Variants in RAPGEF6 observed in about 807,000 individuals in gnomAD.
RAPGEF6 encodes Rap guanine nucleotide exchange factor 6.
A neutral mutation model predicts 171.4 loss-of-function variants in RAPGEF6; 56 were observed. That is an observed-to-expected ratio of 0.33 (90% confidence interval 0.26 to 0.41). The LOEUF is 0.41. Ranked by LOEUF, RAPGEF6 falls within the 10% of genes least tolerant of loss-of-function variation. The pLI is 1.00. For synonymous variants in RAPGEF6, 692 were observed against 650.1 expected, an observed-to-expected ratio of 1.06 and a Z score of -0.98; for missense variants, 1,674 against 1,921.4, an observed-to-expected ratio of 0.87 and a Z score of 2.41.
chr5:131,500,730 C>T (rs575150994), intron 11 of RAPGEF6, among the ~76,000 whole-genome samples: 21 of 152,224 alleles, frequency 1.4e-4, no homozygotes, highest in South Asian at 1.2e-3. Flanking sequence ...TCTTGCTCTT[C>T]CATCTTAAGA....
At position 131,489,586 on chromosome 5, in the gene RAPGEF6, A is replaced by T; in HGVS notation, c.1800T>A (p.Asn600Lys). ...TCACAGTAAGTGCAAGATGAGTATT[A>T]TTCCTCAAAATTTCAACGGCTTTCA... Reference protein sequence around the residue: ...TFMKAVEILRNNTHLALTVKT... With the variant: ...TFMKAVEILRKNTHLALTVKT... Residue 600 changes from asparagine (N) to lysine (K), a missense_variant, in exon 15 of 28, where the codon AAT becomes AAA. Physicochemically the swap from Asn to Lys is moderately conservative, Grantham distance 94 (BLOSUM62 0). Around this residue, in one of 3 missense-constraint regions of RAPGEF6, gnomAD observed 1,116 missense variants for 1,321.5 expected, o/e 0.84. Coordinates refer to ENST00000509018, the MANE Select transcript of RAPGEF6 (RefSeq NM_016340.6). 4 of 1,600,160 alleles carry T rather than the reference A, an allele frequency of 2.5e-6. No individual in the cohort carries two copies. Among genetic ancestry groups the T allele is most frequent in the Non-Finnish European group, 3.4e-6 (4 of 1,173,768 alleles).
At chr5:131,589,134 T>G (rs1265433688) in intron 4 of RAPGEF6, among the ~76,000 whole-genome samples, 1 of 151,722 alleles carries the variant, frequency 6.6e-6, no homozygotes, top group Non-Finnish European at 1.5e-5. Context: ...TGAAGACACA[T>G]CAAAATTAAA....
At chr5:131,589,320 A>G (rs539577851) in intron 4 of RAPGEF6, among the ~76,000 whole-genome samples, 3 of 152,218 alleles carry the variant, frequency 2.0e-5, no homozygotes, top group Non-Finnish European at 4.4e-5. Flanking sequence ...CTATATATAT[A>G]GTATAAGATA....
At chr5:131,569,944 A>G (rs890638804) in intron 4 of RAPGEF6, among the ~76,000 whole-genome samples, 4 of 144,546 alleles carry the variant, frequency 2.8e-5, no homozygotes, top group African/African-American at 5.0e-5. Flanking sequence ...TGGGAGGCTG[A>G]GGCAGGAGAA....
intron 17 of RAPGEF6, among the ~76,000 whole-genome samples, chr5:131,470,626 T>C (rs1306816530): frequency 2.0e-5 from 3 of 152,084 alleles, no homozygotes; most frequent in Non-Finnish European, 4.4e-5. Flanking sequence ...GTGAAGACAC[T>C]TTATTTTTGA....
At chr5:131,532,757 C>T (rs930940279) in intron 6 of RAPGEF6, among the ~76,000 whole-genome samples, 1 of 152,050 alleles carries the variant, frequency 6.6e-6, no homozygotes, top group Non-Finnish European at 1.5e-5. Flanking sequence ...TAAGAATCTC[C>T]AAAATTGTAA....
chr5:131,430,576 C>A (rs753451991), intron 26 of RAPGEF6: 3 of 516,536 alleles, frequency 5.8e-6, no homozygotes, highest in Non-Finnish European at 7.2e-6. Context: ...CGATGATATT[C>A]CTCAATAAAA....
intron 4 of RAPGEF6, among the ~76,000 whole-genome samples, chr5:131,572,972 C>T: frequency 6.6e-6 from 1 of 152,102 alleles, no homozygotes; most frequent in Non-Finnish European, 1.5e-5. Context: ...TGCCTTACAT[C>T]CATGCATTTT....
intron 7 of RAPGEF6, among the ~76,000 whole-genome samples, chr5:131,512,498 T>C (rs968006217): frequency 1.3e-5 from 2 of 152,112 alleles, no homozygotes; most frequent in African/African-American, 2.4e-5. Context: ...CTTTTGGCTT[T>C]TGTTAATTCA....
At chr5:131,588,294 G>A (rs907023827) in intron 4 of RAPGEF6, among the ~76,000 whole-genome samples, 2 of 152,184 alleles carry the variant, frequency 1.3e-5, no homozygotes, top group Non-Finnish European at 2.9e-5. Context: ...AGCAAAAGAG[G>A]TTAGTCTACT....
intron 1 of RAPGEF6, among the ~76,000 whole-genome samples, chr5:131,607,598 C>G (rs759982552): frequency 1.2e-4 from 19 of 152,200 alleles, no homozygotes; most frequent in Non-Finnish European, 1.2e-4. Context: ...GGGTGGGGGA[C>G]AGACATCTAA....
chr5:131,468,103 G>A (rs1202341149), intron 17 of RAPGEF6, among the ~76,000 whole-genome samples: 4 of 151,344 alleles, frequency 2.6e-5, no homozygotes, highest in African/African-American at 9.7e-5. Context: ...CGAGGTGGGC[G>A]GATCACGAGG....
intron 14 of RAPGEF6, among the ~76,000 whole-genome samples, chr5:131,491,073 A>C (rs1035948716): frequency 6.7e-6 from 1 of 148,150 alleles, no homozygotes; most frequent in Non-Finnish European, 1.5e-5. Context: ...TGTGTGTGTG[A>C]ATTAGATTAT....
At chr5:131,540,350 G>C (rs574433217) in intron 6 of RAPGEF6, among the ~76,000 whole-genome samples, 5 of 152,122 alleles carry the variant, frequency 3.3e-5, no homozygotes, top group African/African-American at 4.8e-5. Flanking sequence ...ATTAGACTGC[G>C]TGAGCCCAGG....
chr5:131,571,333 G>T (rs4526097), intron 4 of RAPGEF6, among the ~76,000 whole-genome samples: 4,193 of 151,814 alleles, frequency 0.028, 205 homozygotes, highest in African/African-American at 0.095. Flanking sequence ...GTACAACAAG[G>T]AAAAAGAAAT....
chr5:131,521,526 A>G lies in RAPGEF6; in HGVS notation c.496-5T>C. The G allele has an allele frequency of 6.3e-7, 1 of 1,582,584 alleles. No individual in the cohort carries two copies. Among genetic ancestry groups the G allele is most frequent in the East Asian group, 2.3e-5 (1 of 44,360 alleles). On this transcript the variant is annotated splice_polypyrimidine_tract_variant and splice_region_variant and intron_variant, in intron 6 of 27. Coordinates refer to ENST00000509018, the MANE Select transcript of RAPGEF6 (RefSeq NM_016340.6). ...CTTGGTAAGATCAGCTGGAAGCTGAAAAAAAAAATAATTTAAGTTATTCTA... is the reference window on the plus strand; with the variant it reads ...CTTGGTAAGATCAGCTGGAAGCTGAGAAAAAAAATAATTTAAGTTATTCTA...
chr5:131,492,499 T>A lies in RAPGEF6; in HGVS notation c.1731+83A>T, dbSNP rs749718625. 3.6e-6 allele frequency: 5 copies of A among 1,370,960 alleles called. No individual in the cohort carries two copies. In the Admixed American group the frequency reaches 6.9e-5, roughly 19 times the overall value. The allele number at this position is 1,370,960 out of a possible 1,614,324, so 84.9% of individuals were successfully genotyped here. ...GAAAAATATTTCCTTAAACTGATCA[T>A]GCTTTCTGGAAGATGAGAACAAAAG... On this transcript the variant is annotated intron_variant, in intron 14 of 27. Coordinates refer to ENST00000509018, the MANE Select transcript of RAPGEF6 (RefSeq NM_016340.6).
Position 131,582,779 on chromosome 5 carries a change from A to G in RAPGEF6, c.281+9604T>C, listed in dbSNP as rs1388721052. ...GCACAAAATAAGAATTTTATTATCA[A>G]AAATGGGTCAAAGGCTCAGAGACAC... On this transcript the variant is annotated intron_variant, in intron 4 of 27. Transcript: ENST00000509018. 3.9e-5 allele frequency among the ~76,000 whole-genome samples: 6 copies of G among 152,238 alleles called. No homozygotes were observed. In the East Asian group the frequency reaches 1.2e-3, roughly 29 times the overall value.
chr5:131,613,860 A>C (rs1765097115), intron 1 of RAPGEF6, among the ~76,000 whole-genome samples: 1 of 152,172 alleles, frequency 6.6e-6, no homozygotes. Flanking sequence ...AAGTGTTACC[A>C]ATTAGACATA....
Sources: allele counts gnomAD v4.1 joint callset (sites outside exome capture counted in the v4.1 genomes callset), GRCh38; gene constraint gnomAD v4.1.1; regional missense constraint gnomAD v4.1.1; transcripts MANE v1.5; gene names NCBI Gene and HGNC (gene_info 2026-07-23, HGNC 2026-07-21).